The following MRPL39 variants were observed in gnomAD, a reference collection of about 807,000 sequenced individuals.
MRPL39 encodes large ribosomal subunit protein mL39.
In MRPL39, 35 loss-of-function variants were observed where a neutral mutation model predicts 44.5. That is an observed-to-expected ratio of 0.79 (90% CI 0.60 to 1.04). MRPL39 has a LOEUF of 1.04. MRPL39 is among the 50% of genes least tolerant of loss of function. The pLI is 0.00. For synonymous variants in MRPL39, 139 were observed against 136.1 expected (o/e 1.02, Z -0.15); for missense variants, 433 against 413.5 (o/e 1.05, Z -0.41).
chr21:25,593,084 G>T, intron 7 of MRPL39, 119 bp from the exon 8 acceptor site: 2 of 842,634 alleles, frequency 2.4e-6, no homozygotes, highest in Non-Finnish European at 3.5e-6. Context: ...CATTATATAT[G>T]GTTCAATTCA....
intron 6 of MRPL39, 117 bp from the exon 7 acceptor site, chr21:25,594,075 G>A: frequency 1.2e-6 from 1 of 806,292 alleles, no homozygotes; most frequent in Non-Finnish European, 2.0e-6. Flanking sequence ...GGTTACACTT[G>A]GAACCTCCCT....
chr21:25,598,133 A>G (rs2031414071), intron 5 of MRPL39, among the ~76,000 whole-genome samples: 1 of 152,150 alleles, frequency 6.6e-6, no homozygotes, highest in Non-Finnish European at 1.5e-5. Context: ...GCATGAAATG[A>G]CTTCTCTATA....
chr21:25,592,654 C>A (rs1335975464), intron 8 of MRPL39, among the ~76,000 whole-genome samples, 158 bp downstream of exon 8: 1 of 152,164 alleles, frequency 6.6e-6, no homozygotes. Context: ...ACACCCTGGG[C>A]AACTTTGTTT....
chr21:25,594,757 C>A (rs77067547), intron 6 of MRPL39, among the ~76,000 whole-genome samples: 4,008 of 152,132 alleles, frequency 0.026, 198 homozygotes, highest in African/African-American at 0.092. Flanking sequence ...CTCTTCTGAC[C>A]ACCAAACTGT....
At position 25,606,461 on chromosome 21, in the gene MRPL39, T is replaced by C; in HGVS notation, c.268A>G (p.Ser90Gly). 1 of 1,607,852 alleles carries C rather than the reference T, an allele frequency of 6.2e-7. No homozygotes were observed. The highest frequency in any genetic ancestry group is 8.5e-7 in the Non-Finnish European group (1 of 1,176,762). The change falls in exon 2 of 10, where the codon AGT (serine) becomes GGT (glycine). Residue 90 changes from serine to glycine, a missense_variant. Coordinates refer to ENST00000352957, the MANE Select transcript of MRPL39 (RefSeq NM_017446.4). ...VMNKNISTPYSCAMHLSEWYC... is the reference protein window; with the variant it reads ...VMNKNISTPYGCAMHLSEWYC... ...TTCTGCTACTTACGCATGGCACAAC[T>C]GTAGGGAGTTGAAATGTTTTTATTC...
At chr21:25,593,290 G>A (rs75406879) in intron 7 of MRPL39, among the ~76,000 whole-genome samples, 3,127 of 152,278 alleles carry the variant, frequency 0.021, 52 homozygotes, top group South Asian at 0.045. Context: ...CCCATGTAAC[G>A]AAGCTGAGAA....
At chr21:25,596,124 A>G (rs1345705005) in intron 6 of MRPL39, among the ~76,000 whole-genome samples, 2 of 147,070 alleles carry the variant, frequency 1.4e-5, no homozygotes, top group Non-Finnish European at 1.5e-5. Flanking sequence ...TTTGAGACGG[A>G]GTCTCGCTCT....
At chr21:25,604,597 AATTAAT>A (rs1259702871) in intron 2 of MRPL39, among the ~76,000 whole-genome samples, 1 of 152,204 alleles carries the variant, frequency 6.6e-6, no homozygotes, top group Non-Finnish European at 1.5e-5. Context: ...ATTTTTTAAT[AATTAAT>A]ATTAACTCCC....
chr21:25,597,654 G>A (rs901151273), intron 5 of MRPL39, among the ~76,000 whole-genome samples: 2 of 152,076 alleles, frequency 1.3e-5, no homozygotes, highest in Non-Finnish European at 2.9e-5. Context: ...AATTATTAAA[G>A]AGAAAACTAT....
intron 2 of MRPL39, 45 bp downstream of exon 2, chr21:25,606,404 G>T: frequency 6.7e-7 from 1 of 1,486,234 alleles, no homozygotes; most frequent in Non-Finnish European, 9.1e-7. Context: ...CTTCCACACA[G>T]CTTAAGTAAA....
At chr21:25,603,369 C>T (rs1380674759) in intron 3 of MRPL39, among the ~76,000 whole-genome samples, 3 of 151,882 alleles carry the variant, frequency 2.0e-5, no homozygotes, top group East Asian at 3.9e-4. Flanking sequence ...GGACAAGTCA[C>T]TTAATAAAGC....
chr21:25,594,927 T>C (rs1160514418), intron 6 of MRPL39, among the ~76,000 whole-genome samples: 1 of 152,228 alleles, frequency 6.6e-6, no homozygotes, highest in Non-Finnish European at 1.5e-5. Flanking sequence ...CAGGTGTCCA[T>C]GTGAAAAACC....
intron 3 of MRPL39, among the ~76,000 whole-genome samples, chr21:25,603,071 CTAT>C (rs1174552505): frequency 1.3e-5 from 2 of 152,178 alleles, no homozygotes; most frequent in Non-Finnish European, 2.9e-5. Context: ...TCCCCTTCTA[CTAT>C]GATTGTTAAG....
intron 1 of MRPL39, among the ~76,000 whole-genome samples, chr21:25,606,885 G>C (rs1293775633): frequency 1.3e-5 from 2 of 152,148 alleles, no homozygotes; most frequent in Non-Finnish European, 2.9e-5. Flanking sequence ...TACAATAAGG[G>C]GCAAAAAGTA....
chr21:25,594,749 C>G (rs2031303968), intron 6 of MRPL39, among the ~76,000 whole-genome samples: 1 of 152,136 alleles, frequency 6.6e-6, no homozygotes, highest in Admixed American at 6.5e-5. Flanking sequence ...CTACCTACCT[C>G]TTCTGACCAC....
rs2031395072 is a variant in MRPL39, at chr21:25,597,425, AAAGT to A, written c.589-15_589-12del. ...GGAACGTAAGTTCTCCTTAAAAATGAAAGTAATAACCTTTAGTAACAATTCACTG... is the reference window on the plus strand; with the variant it reads ...GGAACGTAAGTTCTCCTTAAAAATGAAATAACCTTTAGTAACAATTCACTG... On this transcript the variant is annotated splice_polypyrimidine_tract_variant and intron_variant, in intron 5 of 9. Transcript: ENST00000352957. 7 of 1,434,000 alleles carry A rather than the reference AAAGT, an allele frequency of 4.9e-6. No individual in the cohort carries two copies. The East Asian group carries it at 1.4e-4, about 28-fold the overall frequency. 88.8% of individuals were successfully genotyped at this position (1,434,000 alleles called of 1,614,324 possible).
intron 4 of MRPL39, among the ~76,000 whole-genome samples, chr21:25,601,022 G>A (rs1480060370): frequency 6.6e-6 from 1 of 152,054 alleles, no homozygotes; most frequent in Non-Finnish European, 1.5e-5. Context: ...GCGGGAGAAT[G>A]GTGTGAACCC....
chr21:25,588,029 G>A (rs891947423), intron 9 of MRPL39, among the ~76,000 whole-genome samples: 4 of 152,206 alleles, frequency 2.6e-5, no homozygotes, highest in Admixed American at 6.5e-5. Context: ...ACAATCACCC[G>A]GGCCGGGCGC....
Position 25,597,041 on chromosome 21 carries a change from A to T in MRPL39, c.701+261T>A, listed in dbSNP as rs56370913. On this transcript the variant is annotated intron_variant, in intron 6 of 9. Coordinates refer to ENST00000352957, the MANE Select transcript of MRPL39 (RefSeq NM_017446.4). ...TACATTATCACTTCACACTAGAAAGAAAAAAGGGAAACATGCCACTATGTT... is the reference window on the plus strand; with the variant it reads ...TACATTATCACTTCACACTAGAAAGTAAAAAGGGAAACATGCCACTATGTT... Among the ~76,000 whole-genome samples, 894 of 152,342 alleles carry T rather than the reference A, an allele frequency of 5.9e-3. 5 individuals carry two copies. Among genetic ancestry groups the T allele is most frequent in the Non-Finnish European group, 9.3e-3 (630 of 68,038 alleles).
Sources: allele counts gnomAD v4.1 joint callset (sites outside exome capture counted in the v4.1 genomes callset), GRCh38; gene constraint gnomAD v4.1.1; transcripts MANE v1.5; gene names NCBI Gene and HGNC (gene_info 2026-07-23, HGNC 2026-07-21).